Variants in ANKRD11 observed in about 807,000 individuals in gnomAD.
The protein encoded by ANKRD11 is ankyrin repeat domain 11.
In ANKRD11, 17 loss-of-function variants were observed where a neutral mutation model predicts 195.7. The ratio of observed to expected loss-of-function variants is 0.09; its 90% CI spans 0.06 to 0.13. The LOEUF is 0.13. Ranked by LOEUF, ANKRD11 falls within the 10% of genes least tolerant of loss-of-function variation. The pLI, the probability that ANKRD11 is intolerant of heterozygous loss-of-function variation, is 1.00. For missense variants in ANKRD11, 3,735 were observed against 3,566.1 expected (o/e 1.05, Z -1.21); for synonymous variants, 1,953 against 1,528.1 (o/e 1.28, Z -6.49).
intron 2 of ANKRD11, among the ~76,000 whole-genome samples, chr16:89,343,459 G>A (rs1030036815): frequency 6.6e-6 from 1 of 152,220 alleles, no homozygotes; most frequent in East Asian, 1.9e-4. Flanking sequence ...TTAAAAGCCA[G>A]GGTACACAGG....
At chr16:89,296,518 T>G (rs374986489) in intron 4 of ANKRD11, among the ~76,000 whole-genome samples, 2 of 152,250 alleles carry the variant, frequency 1.3e-5, no homozygotes, top group South Asian at 4.2e-4. Flanking sequence ...GCTCACTGGG[T>G]TTTTTATTTC....
rs942026944 is a variant in ANKRD11 at position 89,279,837 on chromosome 16, C to G, written c.6705G>C (p.Pro2235=). Residue 2235 remains proline (P), a synonymous_variant, in exon 9 of 13, where the codon CCG becomes CCC. Coordinates refer to ENST00000301030, the MANE Select transcript of ANKRD11 (RefSeq NM_013275.6). This position sits in a 1 kb window ranked among gnomAD's most constrained non-coding sequence, Gnocchi z 5.6. The part of the protein sequence containing the change: ...TVPEERARGD[P]DSSVEPAPVP... ...CGGGCGCGGGCTCCACGCTGGAGTCCGGATCCCCACGGGCCCTCTCTTCCG... is the reference window on the plus strand; with the variant it reads ...CGGGCGCGGGCTCCACGCTGGAGTCGGGATCCCCACGGGCCCTCTCTTCCG... The G allele has an allele frequency of 1.3e-6, 2 of 1,547,810 alleles. No individual in the cohort carries two copies. Among genetic ancestry groups the G allele is most frequent in the Non-Finnish European group, 1.7e-6 (2 of 1,148,364 alleles).
chr16:89,379,026 G>C (rs750667562), intron 2 of ANKRD11, among the ~76,000 whole-genome samples: 2 of 152,204 alleles, frequency 1.3e-5, no homozygotes, highest in Non-Finnish European at 2.9e-5. Flanking sequence ...TAGACAAGCC[G>C]GGCTGAGGCA....
At chr16:89,319,239 T>C (rs1166673055) in intron 2 of ANKRD11, among the ~76,000 whole-genome samples, 1 of 152,050 alleles carries the variant, frequency 6.6e-6, no homozygotes, top group Non-Finnish European at 1.5e-5. Flanking sequence ...CTCCGGACGG[T>C]GTCTGGGCCC....
At chr16:89,276,126 T>C (rs1369005627) in intron 9 of ANKRD11, among the ~76,000 whole-genome samples, 1 of 152,142 alleles carries the variant, frequency 6.6e-6, no homozygotes, top group Admixed American at 6.5e-5. Context: ...ACGGGGCAGA[T>C]GGGCAGGTGG....
chr16:89,299,343 TG>T (rs2035664949), intron 4 of ANKRD11: 1 of 241,658 alleles, frequency 4.1e-6, no homozygotes, highest in South Asian at 4.0e-5. Context: ...CTGTGTGGGG[TG>T]CGTGGGGTCT....
chr16:89,274,700 GGTGCT>G, intron 11 of ANKRD11, 109 bp downstream of exon 11: 1 of 1,481,692 alleles, frequency 6.7e-7, no homozygotes, highest in Non-Finnish European at 9.3e-7. Context: ...GCCCCTGCAA[GGTGCT>G]GAGCACCCGG....
In ANKRD11 at chr16:89,453,979, G is replaced by T. The variant is rs536172923; in HGVS notation, c.-144-35611C>A. On this transcript the variant is annotated intron_variant, in intron 1 of 12. Transcript: ENST00000301030. ...GGGCAGAGGAGCACCCGCACCTCGG[G>T]AGTTCCCAAGACTGTCTGAGTGGAC... is the stretch of plus-strand genomic sequence containing the variant. Among the ~76,000 whole-genome samples the T allele has an allele frequency of 2.0e-5, 3 of 152,286 alleles. No individual in the cohort carries two copies. The South Asian group carries it at 6.2e-4, about 32-fold the overall frequency.
At chr16:89,432,944 ATCTCTCTCTCTCTCTCTC>A (rs56770747) in intron 1 of ANKRD11, among the ~76,000 whole-genome samples, 41 of 108,732 alleles carry the variant, frequency 3.8e-4, no homozygotes, top group South Asian at 1.0e-3. Context: ...CAGAGACCCT[ATCTCTCTCTCTCTCTCTC>A]TCTCTCTCTC....
chr16:89,391,190 T>C lies in ANKRD11; in HGVS notation c.-60+27094A>G, dbSNP rs1292036122. Among the ~76,000 whole-genome samples the C allele has an allele frequency of 2.8e-5, 4 of 141,542 alleles. No homozygotes were observed. In the Admixed American group the frequency reaches 3.0e-4, roughly 11 times the overall value. 92.9% of individuals were successfully genotyped at this position (141,542 alleles called of 152,430 possible). On this transcript the variant is annotated intron_variant, in intron 2 of 12. Transcript: ENST00000301030. ...TTGCAGTGAGCCGAGATCGCGCCAC[T>C]GAACTCCAGCCTGGGCGACAGAGCG...
chr16:89,469,930 G>A (rs1266382320), intron 1 of ANKRD11, among the ~76,000 whole-genome samples: 2 of 168 alleles, frequency 0.012, no homozygotes, highest in Middle Eastern at 0.5. Flanking sequence ...TGTTTTTGAC[G>A]GAGCTCACTC....
chr16:89,318,796 G>C (rs563749249), intron 2 of ANKRD11, among the ~76,000 whole-genome samples: 16 of 152,366 alleles, frequency 1.1e-4, no homozygotes, highest in Admixed American at 3.3e-4. Flanking sequence ...ATTCTGGAGA[G>C]AGGGACAGGT....
At chr16:89,299,319 G>A (rs866750707) in intron 4 of ANKRD11, 5 of 236,966 alleles carry the variant, frequency 2.1e-5, no homozygotes, top group South Asian at 2.1e-4. Context: ...TGTGCCCTGC[G>A]TGGGATCCCT....
At chr16:89,367,929 A>T (rs1204780067) in intron 2 of ANKRD11, among the ~76,000 whole-genome samples, 3 of 152,150 alleles carry the variant, frequency 2.0e-5, no homozygotes, top group Non-Finnish European at 2.9e-5. Flanking sequence ...ACTTGAGCCC[A>T]GGAGGTCAAG....
intron 4 of ANKRD11, chr16:89,301,603 G>A (rs2035856965): frequency 5.0e-6 from 2 of 398,600 alleles, no homozygotes; most frequent in Non-Finnish European, 8.8e-6. Context: ...CCCTTACAGA[G>A]GCCTGGTCCT....
intron 1 of ANKRD11, among the ~76,000 whole-genome samples, chr16:89,482,523 T>TTACGTG (rs1244386190): frequency 1.3e-5 from 2 of 152,146 alleles, no homozygotes; most frequent in African/African-American, 2.4e-5. Context: ...CTGGAACCTG[T>TTACGTG]GAATGCCTTA....
intron 2 of ANKRD11, among the ~76,000 whole-genome samples, chr16:89,325,316 C>T (rs926585339): frequency 1.4e-4 from 21 of 152,162 alleles, no homozygotes; most frequent in African/African-American, 2.4e-4. Flanking sequence ...TGCATGCTGG[C>T]GGTCTCAGCT....
rs191084795 is a variant in ANKRD11, at chr16:89,441,568, C to G, written c.-144-23200G>C. ...GGATCACGAGGTCAGCAGATGGAGACCATCCTGGCTAACATGGTAAAACCC... is the reference window on the plus strand; with the variant it reads ...GGATCACGAGGTCAGCAGATGGAGAGCATCCTGGCTAACATGGTAAAACCC... On this transcript the variant is annotated intron_variant, in intron 1 of 12. Coordinates refer to ENST00000301030, the MANE Select transcript of ANKRD11 (RefSeq NM_013275.6). Among the ~76,000 whole-genome samples the G allele has an allele frequency of 2.0e-3, 308 of 152,036 alleles. 1 individual carries two copies. The highest frequency in any genetic ancestry group is 4.5e-3 in the African/African-American group (188 of 41,482).
At chr16:89,341,953 CAG>C in intron 2 of ANKRD11, among the ~76,000 whole-genome samples, 1 of 149,896 alleles carries the variant, frequency 6.7e-6, no homozygotes, top group African/African-American at 2.5e-5. Context: ...CCACGAACAG[CAG>C]CCACGGCCCA....
Sources: allele counts gnomAD v4.1 joint callset (sites outside exome capture counted in the v4.1 genomes callset), GRCh38; gene constraint gnomAD v4.1.1; non-coding constraint Gnocchi (gnomAD v3.1); transcripts MANE v1.5; gene names NCBI Gene and HGNC (gene_info 2026-07-23, HGNC 2026-07-21).